Variants in ABCB4 observed in about 807,000 individuals in gnomAD.
ABCB4 encodes the protein phosphatidylcholine translocator ABCB4.
Under a neutral mutation model 145.7 loss-of-function variants are expected in ABCB4, and 76 were observed. That is an observed-to-expected ratio of 0.52 (90% CI 0.43 to 0.63). The LOEUF (loss-of-function observed/expected upper bound fraction) is 0.63, where lower values mean the gene tolerates loss of function less well. Ranked by LOEUF, ABCB4 falls within the 30% of genes least tolerant of loss-of-function variation. The probability of loss-of-function intolerance (pLI) is 0.00; values close to 1 mark genes in which losing one functional copy is unlikely to be tolerated. For missense variants in ABCB4, 1,234 were observed against 1,553.1 expected, an observed-to-expected ratio of 0.79 and a Z score of 3.45; for synonymous variants, 517 against 566.8, an observed-to-expected ratio of 0.91 and a Z score of 1.25.
the ABCB4 span, chr7:87,392,520 G>A: frequency 6.7e-7 from 1 of 1,494,714 alleles, no homozygotes; most frequent in African/African-American, 1.4e-5. Flanking sequence ...TTCTAGTTGG[G>A]TTTTGCACAG....
In ABCB4 at chr7:87,475,528, C is replaced by A. The variant is rs546742784; in HGVS notation, c.-6-57G>T. On this transcript the variant is annotated intron_variant, in intron 1 of 27. Transcript: ENST00000649586. ...ACACCCTCTCCGGCGGCCCGGCGCA[C>A]GAGTCGCGGGGCCCGGGGGCACTGG... 9.6e-6 allele frequency: 15 copies of A among 1,569,044 alleles called. No individual in the cohort carries two copies. In the South Asian group the frequency reaches 1.3e-4, roughly 14 times the overall value.
At chr7:87,424,120 A>G in intron 16 of ABCB4, 68 bp from the exon 17 acceptor site, 4 of 1,608,148 alleles carry the variant, frequency 2.5e-6, no homozygotes, top group Non-Finnish European at 3.4e-6. Context: ...TAGACATAGA[A>G]AAGGCATGGC....
chr7:87,398,558 C>G (rs752372260), downstream of ABCB4: 36 of 1,613,614 alleles, frequency 2.2e-5, no homozygotes, highest in Non-Finnish European at 3.0e-5. Context: ...GAAATCCTGT[C>G]CCGAGACTGA....
rs1811519960 is a variant in ABCB4, at chr7:87,448,835, T to C, written c.833+1133A>G. The C allele has an allele frequency of 2.0e-5, 3 of 152,166 alleles. No homozygotes were observed. The South Asian group carries it at 6.2e-4, about 32-fold the overall frequency. 9.4% of individuals were successfully genotyped at this position (152,166 alleles called of 1,614,324 possible). On this transcript the variant is annotated intron_variant, in intron 8 of 27. Coordinates refer to ENST00000649586, the MANE Select transcript of ABCB4 (RefSeq NM_000443.4). ...ATTAAATGGGGGGAATAAGGGAAAC[T>C]TTGTTTTTAATGCTAGAGAATTTCC...
At chr7:87,470,855 A>C (rs1813337674) in intron 3 of ABCB4, among the ~76,000 whole-genome samples, 1 of 152,236 alleles carries the variant, frequency 6.6e-6, no homozygotes, top group East Asian at 1.9e-4. Flanking sequence ...TGACCCAGCC[A>C]TCCCATTACT....
the ABCB4 span, among the ~76,000 whole-genome samples, chr7:87,374,489 AGGTT>A: frequency 6.6e-6 from 1 of 152,186 alleles, no homozygotes; most frequent in East Asian, 1.9e-4. Flanking sequence ...GGAGAGAAAC[AGGTT>A]GATTTTATTT....
chr7:87,466,371 C>A (rs1043555414), intron 3 of ABCB4, among the ~76,000 whole-genome samples: 22 of 152,118 alleles, frequency 1.4e-4, no homozygotes, highest in African/African-American at 5.3e-4. Context: ...AAGAAACAAG[C>A]AAAGCCTCCA....
intron 26 of ABCB4, 44 bp from the exon 27 acceptor site, chr7:87,403,325 T>G (rs1807942368): frequency 2.0e-6 from 3 of 1,535,862 alleles, no homozygotes; most frequent in Non-Finnish European, 2.7e-6. Flanking sequence ...GAACTGTTGC[T>G]TAACAGTTGA....
the ABCB4 span, chr7:87,381,936 G>C: frequency 6.2e-7 from 1 of 1,610,272 alleles, no homozygotes; most frequent in East Asian, 2.2e-5. Context: ...CAATGATTAT[G>C]GTGAACATCA....
intron 14 of ABCB4, among the ~76,000 whole-genome samples, chr7:87,437,611 T>C (rs1810696660): frequency 6.6e-6 from 1 of 152,226 alleles, no homozygotes; most frequent in Admixed American, 6.5e-5. Context: ...AGGCATGTGC[T>C]AATAACTTTA....
the ABCB4 span, among the ~76,000 whole-genome samples, chr7:87,371,651 C>T: frequency 6.6e-6 from 1 of 151,966 alleles, no homozygotes; most frequent in Non-Finnish European, 1.5e-5. Flanking sequence ...GTGAGGACAC[C>T]CACTTCTCCT....
the ABCB4 span, chr7:87,377,520 C>A: frequency 1.1e-6 from 1 of 908,206 alleles, no homozygotes; most frequent in Non-Finnish European, 1.8e-6. Flanking sequence ...ACCATAAATA[C>A]TTGTGCTGGG....
At chr7:87,369,067 C>T in the ABCB4 span, among the ~76,000 whole-genome samples, 1 of 152,154 alleles carries the variant, frequency 6.6e-6, no homozygotes, top group Non-Finnish European at 1.5e-5. Context: ...GTCTCCTTCT[C>T]CCCTTCCCAT....
At chr7:87,458,823 C>T (rs1286895084) in intron 4 of ABCB4, among the ~76,000 whole-genome samples, 1 of 151,950 alleles carries the variant, frequency 6.6e-6, no homozygotes, top group Non-Finnish European at 1.5e-5. Flanking sequence ...GTTTATAATT[C>T]GGAGGCTACC....
chr7:87,450,021 C>G lies in ABCB4; in HGVS notation c.780G>C (p.Leu260=), dbSNP rs907317514. ...AKAGAVAEEA[L]GAIRTVIAFG... ...AAGCTATCACAGTCCTGATGGCCCC[C>G]AGAGCCTCTTCTGCCACGGCGCCTG... Residue 260 remains leucine (L), a synonymous_variant, in exon 8 of 28, where the codon CTG becomes CTC. Coordinates refer to ENST00000649586, the MANE Select transcript of ABCB4 (RefSeq NM_000443.4). 6.2e-7 allele frequency: 1 copy of G among 1,614,190 alleles called. No homozygotes were observed. The highest frequency in any genetic ancestry group is 8.5e-7 in the Non-Finnish European group (1 of 1,180,024).
intron 3 of ABCB4, among the ~76,000 whole-genome samples, chr7:87,470,038 A>C (rs539077536): frequency 6.6e-6 from 1 of 152,370 alleles, no homozygotes; most frequent in South Asian, 2.1e-4. Context: ...CCAATGGAAC[A>C]GAACAGAGCC....
intron 18 of ABCB4, 111 bp downstream of exon 18, chr7:87,422,010 T>C: frequency 1.2e-6 from 1 of 809,484 alleles, no homozygotes; most frequent in African/African-American, 1.7e-5. Context: ...CTTATGCCAA[T>C]CATGTTTGCA....
intron 3 of ABCB4, among the ~76,000 whole-genome samples, chr7:87,466,526 T>C (rs374959379): frequency 1.3e-5 from 2 of 152,030 alleles, no homozygotes; most frequent in African/African-American, 4.8e-5. Context: ...AGGCCAACAT[T>C]CAAATTCAGG....
Position 87,454,519 on chromosome 7 carries a change from C to A in ABCB4, c.344+16G>T. The A allele has an allele frequency of 6.3e-7, 1 of 1,582,400 alleles. No homozygotes were observed. Among genetic ancestry groups the A allele is most frequent in the Non-Finnish European group, 8.7e-7 (1 of 1,155,326 alleles). ...CAAATGAAACTTTAAAAAAGTAGAC[C>A]ATATATATGAGTTACCTAGTCATTT... On this transcript the variant is annotated intron_variant, in intron 5 of 27. Transcript: ENST00000649586.
Sources: allele counts gnomAD v4.1 joint callset (sites outside exome capture counted in the v4.1 genomes callset), GRCh38; gene constraint gnomAD v4.1.1; transcripts MANE v1.5; gene names NCBI Gene and HGNC (gene_info 2026-07-23, HGNC 2026-07-21).